Variants in FSTL4 observed in about 807,000 individuals in gnomAD.
FSTL4 encodes the protein follistatin like 4.
Under a neutral mutation model 78.2 loss-of-function variants are expected in FSTL4, and 28 were observed. The ratio of observed to expected loss-of-function variants is 0.36; its 90% CI spans 0.27 to 0.49. The LOEUF is 0.49. FSTL4 is among the 20% of genes least tolerant of loss of function. The probability of loss-of-function intolerance (pLI) is 0.98; values close to 1 mark genes in which losing one functional copy is unlikely to be tolerated. For synonymous variants in FSTL4, 422 were observed against 440.5 expected (o/e 0.96, Z 0.53); for missense variants, 922 against 1,084.9 (o/e 0.85, Z 2.11).
At chr5:133,259,865 A>C (rs942190890) in intron 6 of FSTL4, among the ~76,000 whole-genome samples, 1 of 152,072 alleles carries the variant, frequency 6.6e-6, no homozygotes, top group Admixed American at 6.5e-5. Context: ...CTCTTGCATA[A>C]TACGGTGTGA....
the FSTL4 span, among the ~76,000 whole-genome samples, chr5:133,831,614 C>G: frequency 6.6e-6 from 1 of 152,152 alleles, no homozygotes; most frequent in Non-Finnish European, 1.5e-5. Context: ...TATTTCATGG[C>G]AGGGAACAAG....
At chr5:133,500,734 T>C (rs1758476840) in intron 3 of FSTL4, among the ~76,000 whole-genome samples, 2 of 152,192 alleles carry the variant, frequency 1.3e-5, no homozygotes, top group Admixed American at 6.5e-5. Context: ...GCTGATAAAA[T>C]AGCCAAACCT....
intron 4 of FSTL4, among the ~76,000 whole-genome samples, chr5:133,327,320 T>C (rs773029551): frequency 6.6e-6 from 1 of 152,204 alleles, no homozygotes; most frequent in Non-Finnish European, 1.5e-5. Flanking sequence ...GTAGCAAGTA[T>C]GGGGTGAGGC....
At chr5:133,435,100 T>C (rs780218815) in intron 3 of FSTL4, among the ~76,000 whole-genome samples, 19 of 152,242 alleles carry the variant, frequency 1.2e-4, no homozygotes, top group Admixed American at 2.0e-4. Context: ...TCATCAAATA[T>C]ATCAACCATG....
chr5:133,284,214 C>T (rs577210248), intron 6 of FSTL4, among the ~76,000 whole-genome samples: 18 of 152,336 alleles, frequency 1.2e-4, no homozygotes, highest in Non-Finnish European at 1.9e-4. Context: ...CACGCTGATC[C>T]AGCCCCAACC....
At position 133,426,130 on chromosome 5, in the gene FSTL4, A is replaced by AG. The variant is rs1336104465; in HGVS notation, c.161-25145dup. Among the ~76,000 whole-genome samples the AG allele has an allele frequency of 2.0e-5, 3 of 152,180 alleles. No homozygotes were observed. In the East Asian group the frequency reaches 5.8e-4, roughly 29 times the overall value. ...CTTCCTCATTGCCCCAACATCCCTG[A>AG]GAGTGTGCCTTTGATCTCAAAAGAA... is the stretch of plus-strand genomic sequence containing the variant. On this transcript the variant is annotated intron_variant, in intron 3 of 15. Coordinates refer to ENST00000265342, the MANE Select transcript of FSTL4 (RefSeq NM_015082.2). The surrounding 1 kb of genome is among the most constrained non-coding windows in gnomAD (Gnocchi z 5.0).
chr5:133,519,421 G>T (rs1164234951), intron 3 of FSTL4, among the ~76,000 whole-genome samples: 2 of 152,204 alleles, frequency 1.3e-5, no homozygotes, highest in Non-Finnish European at 2.9e-5. Context: ...CACCTTGTGA[G>T]GTGCTGAGCT....
chr5:133,738,551 T>C, the FSTL4 span, among the ~76,000 whole-genome samples: 4 of 152,186 alleles, frequency 2.6e-5, no homozygotes, highest in African/African-American at 9.7e-5. Flanking sequence ...TGCTTGGCCA[T>C]GGCAGTGGAC....
At chr5:133,593,525 C>T (rs772358031) in intron 2 of FSTL4, among the ~76,000 whole-genome samples, 3 of 151,996 alleles carry the variant, frequency 2.0e-5, no homozygotes, top group Non-Finnish European at 2.9e-5. Flanking sequence ...TTCCTCCAGC[C>T]CCCAACCCGC....
At chr5:133,559,677 G>A (rs761524072) in intron 3 of FSTL4, among the ~76,000 whole-genome samples, 12 of 152,312 alleles carry the variant, frequency 7.9e-5, no homozygotes, top group African/African-American at 2.9e-4. Flanking sequence ...AGGCAAGCAC[G>A]AGTGATTAGG....
At chr5:133,814,352 G>T in the FSTL4 span, among the ~76,000 whole-genome samples, 1 of 152,210 alleles carries the variant, frequency 6.6e-6, no homozygotes. Flanking sequence ...TAACAAGCAC[G>T]TTCCTGTCTT....
chr5:133,607,751 G>A lies in FSTL4; in HGVS notation c.-10-3758C>T, dbSNP rs555687989. Among the ~76,000 whole-genome samples the A allele has an allele frequency of 3.3e-5, 5 of 152,154 alleles. No individual in the cohort carries two copies. In the East Asian group the frequency reaches 7.7e-4, roughly 24 times the overall value. ...TCTCCTTTCCTCTGAAAGCTGCCAC[G>A]AGCTACTCTCCTCCTCATGGCTCCA... On this transcript the variant is annotated intron_variant, in intron 1 of 15. Transcript: ENST00000265342.
chr5:133,241,555 C>T (rs1751874738), intron 7 of FSTL4, among the ~76,000 whole-genome samples: 1 of 152,190 alleles, frequency 6.6e-6, no homozygotes, highest in Non-Finnish European at 1.5e-5. Flanking sequence ...CTTGACATGC[C>T]AGGACTCCAG....
At chr5:133,339,019 G>C (rs866828021) in intron 4 of FSTL4, among the ~76,000 whole-genome samples, 1 of 152,064 alleles carries the variant, frequency 6.6e-6, no homozygotes, top group Admixed American at 6.5e-5. Context: ...CACTGCCTTC[G>C]GGCTGGAGCC....
intron 4 of FSTL4, among the ~76,000 whole-genome samples, chr5:133,337,300 C>A (rs889264192): frequency 3.9e-5 from 6 of 152,256 alleles, no homozygotes; most frequent in Admixed American, 2.0e-4. Flanking sequence ...GCCAAAGGTA[C>A]ATTTTCCAAC....
At chr5:133,726,617 A>C in the FSTL4 span, among the ~76,000 whole-genome samples, 16 of 152,314 alleles carry the variant, frequency 1.1e-4, no homozygotes, top group Middle Eastern at 3.4e-3. Flanking sequence ...GCAGAGTTTA[A>C]CATATTTTAG....
chr5:133,340,895 GC>G (rs1300382022), intron 4 of FSTL4, among the ~76,000 whole-genome samples: 1 of 152,024 alleles, frequency 6.6e-6, no homozygotes, highest in Non-Finnish European at 1.5e-5. Context: ...TGAGCAGGCT[GC>G]CCCCGAGACA....
At chr5:133,732,615 C>T in the FSTL4 span, among the ~76,000 whole-genome samples, 2 of 152,190 alleles carry the variant, frequency 1.3e-5, no homozygotes, top group Admixed American at 6.5e-5. Context: ...AGCCTCCTCC[C>T]GGCCTCCCCT....
intron 6 of FSTL4, among the ~76,000 whole-genome samples, chr5:133,260,310 GA>G (rs1325613906): frequency 2.0e-5 from 3 of 152,224 alleles, no homozygotes; most frequent in Non-Finnish European, 4.4e-5. Context: ...GGTCCTGAAA[GA>G]ACATGAATAA....
Sources: allele counts gnomAD v4.1 joint callset (sites outside exome capture counted in the v4.1 genomes callset), GRCh38; gene constraint gnomAD v4.1.1; non-coding constraint Gnocchi (gnomAD v3.1); transcripts MANE v1.5; gene names NCBI Gene and HGNC (gene_info 2026-07-23, HGNC 2026-07-21).